FCRL2: variants seen among roughly 807,000 people sequenced by gnomAD.
The protein encoded by FCRL2 is Fc receptor-like protein 2.
FCRL2 carries 48 observed loss-of-function variants against 59.8 expected under a neutral mutation model. The observed-to-expected ratio is 0.80, with a 90% CI of 0.64 to 1.02. FCRL2 has a LOEUF of 1.02. Among genes scored for constraint, FCRL2 ranks in the 50% least tolerant of loss-of-function variants. The pLI, the probability that FCRL2 is intolerant of heterozygous loss-of-function variation, is 0.00. For missense variants in FCRL2, 658 were observed against 597.3 expected (o/e 1.10, Z -1.06); for synonymous variants, 251 against 229.5 (o/e 1.09, Z -0.85).
intron 10 of FCRL2, 96 bp downstream of exon 10, chr1:157,748,441 CAAATAAATAAATAAAT>C (rs58239785): frequency 0.019 from 6,649 of 355,826 alleles, 593 homozygotes; most frequent in African/African-American, 0.13. Flanking sequence ...GATAGATAGA[CAAATAAATAAATAAAT>C]AAATAAATAA....
chr1:157,753,409 G>A (rs781101136), intron 7 of FCRL2, among the ~76,000 whole-genome samples: 7 of 152,216 alleles, frequency 4.6e-5, no homozygotes, highest in African/African-American at 9.6e-5. Context: ...TATAGAACTC[G>A]AAGAAACACT....
intron 7 of FCRL2, among the ~76,000 whole-genome samples, chr1:157,765,288 T>G (rs1366876454): frequency 6.6e-6 from 1 of 152,124 alleles, no homozygotes; most frequent in Non-Finnish European, 1.5e-5. Context: ...GTGGCAAGAT[T>G]GAACCATTAA....
At chr1:157,754,772 C>A (rs1475408869) in intron 7 of FCRL2, among the ~76,000 whole-genome samples, 1 of 152,028 alleles carries the variant, frequency 6.6e-6, no homozygotes, top group Non-Finnish European at 1.5e-5. Flanking sequence ...TCGAGACCAG[C>A]CCGGGCAACA....
intron 5 of FCRL2, 200 bp downstream of exon 5, chr1:157,768,214 C>T (rs759787597): frequency 1.4e-5 from 8 of 559,146 alleles, no homozygotes; most frequent in Admixed American, 3.3e-5. Context: ...GCTTCATAAT[C>T]GATTACAGCC....
rs533309487 is a variant in FCRL2 at position 157,771,872 on chromosome 1, T to C, written c.53-1206A>G. Reference sequence around the variant, plus strand: ...AAGCAGAAGTCAATAAAATAAGAGATGTGGTGACTCATAAAATACTACTGC... The same window carrying C: ...AAGCAGAAGTCAATAAAATAAGAGACGTGGTGACTCATAAAATACTACTGC... On this transcript the variant is annotated intron_variant, in intron 2 of 11. Transcript: ENST00000361516. Among the ~76,000 whole-genome samples the C allele has an allele frequency of 3.9e-5, 6 of 152,148 alleles. No individual in the cohort carries two copies. In the South Asian group the frequency reaches 8.3e-4, roughly 21 times the overall value.
intron 4 of FCRL2, chr1:157,768,981 G>A (rs1459535369): frequency 3.0e-6 from 1 of 337,074 alleles, no homozygotes; most frequent in Non-Finnish European, 5.4e-6. Context: ...TTTTTTGGAT[G>A]AGTCAAAGAC....
intron 2 of FCRL2, among the ~76,000 whole-genome samples, chr1:157,772,986 T>G (rs1015993718): frequency 1.3e-5 from 2 of 152,140 alleles, no homozygotes; most frequent in African/African-American, 4.8e-5. Context: ...AAGCAAGTCA[T>G]GTAGACTTGC....
chr1:157,758,705 A>T (rs1648792239), intron 7 of FCRL2, among the ~76,000 whole-genome samples: 1 of 151,440 alleles, frequency 6.6e-6, no homozygotes, highest in Non-Finnish European at 1.5e-5. Flanking sequence ...AAAAAAAACA[A>T]AGCTGGAGGG....
At chr1:157,769,706 C>G in intron 4 of FCRL2, 160 bp downstream of exon 4, 1 of 713,888 alleles carries the variant, frequency 1.4e-6, no homozygotes, top group Non-Finnish European at 2.2e-6. Flanking sequence ...GGATTACAGG[C>G]GTGAGCCACC....
intron 7 of FCRL2, among the ~76,000 whole-genome samples, chr1:157,760,002 T>C (rs894801173): frequency 2.0e-5 from 3 of 152,228 alleles, no homozygotes; most frequent in African/African-American, 7.2e-5. Flanking sequence ...TATATGTTCA[T>C]TGTAGCACTA....
At chr1:157,771,589 A>G (rs1650026296) in intron 2 of FCRL2, among the ~76,000 whole-genome samples, 1 of 152,238 alleles carries the variant, frequency 6.6e-6, no homozygotes, top group Admixed American at 6.5e-5. Flanking sequence ...GATCATATAA[A>G]GAAAAAAGCT....
intron 4 of FCRL2, 46 bp downstream of exon 4, chr1:157,769,820 A>G (rs747219854): frequency 3.8e-6 from 6 of 1,588,840 alleles, no homozygotes; most frequent in African/African-American, 2.7e-5. Context: ...TGAAGCTATA[A>G]CACTCCTATC....
At chr1:157,754,759 A>G (rs1648457682) in intron 7 of FCRL2, among the ~76,000 whole-genome samples, 1 of 152,120 alleles carries the variant, frequency 6.6e-6, no homozygotes, top group Admixed American at 6.6e-5. Flanking sequence ...TGAGCTCAAG[A>G]GTTCGAGACC....
At chr1:157,767,691 A>T in intron 5 of FCRL2, 182 bp from the exon 6 acceptor site, 1 of 1,568,610 alleles carries the variant, frequency 6.4e-7, no homozygotes, top group Non-Finnish European at 8.6e-7. Context: ...GTTTGAGGGG[A>T]ATATCAGTTC....
intron 7 of FCRL2, among the ~76,000 whole-genome samples, chr1:157,750,187 T>C (rs1391467409): frequency 2.0e-5 from 3 of 152,232 alleles, no homozygotes; most frequent in African/African-American, 4.8e-5. Context: ...CTTGTACCAT[T>C]TTGCTTTGTG....
intron 5 of FCRL2, chr1:157,768,135 G>A: frequency 2.7e-6 from 1 of 368,590 alleles, no homozygotes. Context: ...ACACTCCCTG[G>A]CCCAGAGCCC....
intron 7 of FCRL2, among the ~76,000 whole-genome samples, chr1:157,758,247 TA>T (rs1391763622): frequency 6.6e-6 from 1 of 152,084 alleles, no homozygotes; most frequent in Non-Finnish European, 1.5e-5. Flanking sequence ...GGAGGCTCTG[TA>T]AAAGAATGAG....
intron 7 of FCRL2, among the ~76,000 whole-genome samples, chr1:157,757,424 C>T (rs956443803): frequency 6.6e-6 from 1 of 151,856 alleles, no homozygotes; most frequent in Admixed American, 6.6e-5. Flanking sequence ...AACCATGGCA[C>T]GTGTATAGGT....
chr1:157,763,590 G>T (rs1168759133), intron 7 of FCRL2, among the ~76,000 whole-genome samples: 2 of 152,042 alleles, frequency 1.3e-5, no homozygotes, highest in Non-Finnish European at 2.9e-5. Context: ...TAAAAATGTT[G>T]CCCAACTCTG....
Sources: allele counts gnomAD v4.1 joint callset (sites outside exome capture counted in the v4.1 genomes callset), GRCh38; gene constraint gnomAD v4.1.1; transcripts MANE v1.5; gene names NCBI Gene and HGNC (gene_info 2026-07-23, HGNC 2026-07-21).